PC: variants seen among roughly 807,000 people sequenced by gnomAD.
PC encodes pyruvate carboxylase, also known as pyruvate carboxylase, mitochondrial.
In PC, 46 loss-of-function variants were observed where a neutral mutation model predicts 107.8. That is an observed-to-expected ratio of 0.43 (90% CI 0.34 to 0.55). The LOEUF (loss-of-function observed/expected upper bound fraction) is 0.55, where lower values mean the gene tolerates loss of function less well. Ranked by LOEUF, PC falls within the 20% of genes least tolerant of loss-of-function variation. PC has a pLI of 0.04. For synonymous variants in PC, 662 were observed against 684.7 expected (o/e 0.97, Z 0.52); for missense variants, 1,241 against 1,643.1 (o/e 0.76, Z 4.23).
At chr11:66,889,795 C>T (rs543264290) in intron 3 of PC, among the ~76,000 whole-genome samples, 5 of 152,270 alleles carry the variant, frequency 3.3e-5, no homozygotes, top group African/African-American at 9.6e-5. Context: ...TCCTTTTCTC[C>T]TTTTCTCCCA....
chr11:66,883,746 A>C (rs1947263804), intron 3 of PC, among the ~76,000 whole-genome samples: 1 of 152,164 alleles, frequency 6.6e-6, no homozygotes. Context: ...TGAATCAGTG[A>C]AGAAATACTT....
intron 3 of PC, among the ~76,000 whole-genome samples, chr11:66,916,351 G>A (rs1213708589): frequency 6.6e-6 from 1 of 152,166 alleles, no homozygotes; most frequent in Non-Finnish European, 1.5e-5. Context: ...CTCCCACAGT[G>A]CTGGGATTAC....
intron 3 of PC, among the ~76,000 whole-genome samples, chr11:66,942,929 T>C (rs1173289048): frequency 2.0e-5 from 3 of 151,620 alleles, no homozygotes; most frequent in African/African-American, 7.3e-5. Context: ...GGCAGGAGAA[T>C]TGCTTGAACC....
intron 3 of PC, among the ~76,000 whole-genome samples, chr11:66,873,960 T>C (rs1022137041): frequency 6.6e-6 from 1 of 150,564 alleles, no homozygotes; most frequent in Non-Finnish European, 1.5e-5. Context: ...GTTTCTTTTC[T>C]TTTTTCTTTT....
chr11:66,876,547 C>T (rs925243703), intron 3 of PC, among the ~76,000 whole-genome samples: 3 of 152,228 alleles, frequency 2.0e-5, no homozygotes, highest in African/African-American at 7.2e-5. Flanking sequence ...GTGCCGGGAG[C>T]ACCAGCGAGG....
intron 3 of PC, among the ~76,000 whole-genome samples, chr11:66,941,283 T>C (rs576184649): frequency 6.6e-6 from 1 of 152,188 alleles, no homozygotes; most frequent in East Asian, 1.9e-4. Flanking sequence ...GAAAATAGCA[T>C]AGCAGGCTCT....
At chr11:66,863,748 G>A (rs1489940216) in intron 12 of PC, 26 bp downstream of exon 12, 1 of 1,593,078 alleles carries the variant, frequency 6.3e-7, no homozygotes, top group African/African-American at 1.3e-5. Context: ...CGGGAGCAAA[G>A]GCAGGCGGGG....
At chr11:66,942,572 G>A (rs893296048) in intron 3 of PC, among the ~76,000 whole-genome samples, 6 of 152,096 alleles carry the variant, frequency 3.9e-5, no homozygotes, top group South Asian at 2.1e-4. Context: ...TGGGTGCCAG[G>A]GGCTTGGGTG....
chr11:66,892,720 G>A (rs542011143), intron 3 of PC, among the ~76,000 whole-genome samples: 14 of 152,116 alleles, frequency 9.2e-5, no homozygotes, highest in South Asian at 6.2e-4. Context: ...GGTGGCGGGC[G>A]CCTATAATCC....
In PC at chr11:66,925,792, TA is replaced by T. The variant is rs374859744; in HGVS notation, c.-1+26637del. Among the ~76,000 whole-genome samples the T allele has an allele frequency of 9.2e-4, 140 of 152,160 alleles. 1 individual carries two copies. In the East Asian group the frequency reaches 0.024, roughly 26 times the overall value. The stretch of plus-strand genomic sequence containing the variant: ...TCAGAGATTGCAGTAAAGATAGACA[TA>T]AGAAATAAAAGTATTAATTTGGGGA... On this transcript the variant is annotated intron_variant, in intron 3 of 22. Coordinates refer to ENST00000393960, the MANE Select transcript of PC (RefSeq NM_001040716.2).
chr11:66,849,832 C>T lies in PC; in HGVS notation c.2926G>A (p.Gly976Arg), dbSNP rs1945362344. 3 of 1,613,730 alleles carry T rather than the reference C, an allele frequency of 1.9e-6. No individual in the cohort carries two copies. Among genetic ancestry groups the T allele is most frequent in the African/African-American group, 2.7e-5 (2 of 74,922 alleles). Residue 976 changes from glycine to arginine, a missense_variant, in exon 21 of 23, where the codon GGG (glycine) becomes AGG (arginine). Physicochemically the swap from Gly to Arg is moderately radical, Grantham distance 125 (BLOSUM62 -2). Transcript: ENST00000393960. ...GGAGGGAGGGAGGCTCCAGGCCGCC[C>T]CTCCACCCTTGGCAGGTCCTTCAGT... ...KVLKDLPRVEGRPGASLPPLD... is the reference protein window; with the variant it reads ...KVLKDLPRVERRPGASLPPLD...
At chr11:66,955,462 T>C (rs1464691624) in intron 1 of PC, among the ~76,000 whole-genome samples, 2 of 152,164 alleles carry the variant, frequency 1.3e-5, no homozygotes, top group East Asian at 3.9e-4. Context: ...AGGTGAGGAC[T>C]GGCACAGGGA....
chr11:66,908,309 T>C (rs1164168744), intron 3 of PC, among the ~76,000 whole-genome samples: 1 of 152,120 alleles, frequency 6.6e-6, no homozygotes. Flanking sequence ...CCTTGGGTTG[T>C]CCACCTGGGA....
intron 3 of PC, among the ~76,000 whole-genome samples, chr11:66,947,210 G>C (rs985034207): frequency 2.6e-5 from 4 of 152,218 alleles, no homozygotes; most frequent in South Asian, 2.1e-4. Flanking sequence ...AGCTTTATTT[G>C]TAGATGCCAA....
intron 12 of PC, among the ~76,000 whole-genome samples, chr11:66,859,442 C>G (rs1946103757): frequency 6.6e-6 from 1 of 152,218 alleles, no homozygotes; most frequent in Non-Finnish European, 1.5e-5. Flanking sequence ...ATTCCCCTCG[C>G]TTGCCTGCGT....
At chr11:66,957,515 CTG>C (rs1427258586) in intron 1 of PC, among the ~76,000 whole-genome samples, 1 of 152,192 alleles carries the variant, frequency 6.6e-6, no homozygotes, top group Non-Finnish European at 1.5e-5. Context: ...CACTGGGGGA[CTG>C]TGGCAGGAGG....
At chr11:66,873,403 A>ATATAT (rs1946821607) in intron 3 of PC, among the ~76,000 whole-genome samples, 1 of 98,048 alleles carries the variant, frequency 1.0e-5, no homozygotes, top group Non-Finnish European at 1.9e-5. Flanking sequence ...TATATAATAT[A>ATATAT]ATATAAATAT....
Position 66,898,973 on chromosome 11 carries a change from C to T in PC, c.1-26814G>A, listed in dbSNP as rs551461952. Among the ~76,000 whole-genome samples the T allele has an allele frequency of 9.9e-5, 15 of 152,206 alleles. No homozygotes were observed. The South Asian group carries it at 3.1e-3, about 32-fold the overall frequency. ...ACAACCTCTGCCTCCCGGGTTCAAG[C>T]GATTCTCCTGCCTCAGCCTCCTGAG... On this transcript the variant is annotated intron_variant, in intron 3 of 22. Transcript: ENST00000393960.
chr11:66,927,093 C>G (rs1472506801), intron 3 of PC, among the ~76,000 whole-genome samples: 1 of 147,016 alleles, frequency 6.8e-6, no homozygotes, highest in Non-Finnish European at 1.5e-5. Flanking sequence ...CAGGTTCAAG[C>G]GATTCTCCCA....
Sources: allele counts gnomAD v4.1 joint callset (sites outside exome capture counted in the v4.1 genomes callset), GRCh38; gene constraint gnomAD v4.1.1; transcripts MANE v1.5; gene names NCBI Gene and HGNC (gene_info 2026-07-23, HGNC 2026-07-21).